The following CEP126 variants were observed in gnomAD, a reference collection of about 807,000 sequenced individuals.
CEP126 encodes centrosomal protein 126.
CEP126 carries 74 observed loss-of-function variants against 107.8 expected under a neutral mutation model. That is an observed-to-expected ratio of 0.69 (90% CI 0.57 to 0.83). CEP126 has a LOEUF of 0.83. Among genes scored for constraint, CEP126 ranks in the 40% least tolerant of loss-of-function variants. The pLI, the probability that CEP126 is intolerant of heterozygous loss-of-function variation, is 0.00. For missense variants in CEP126, 1,237 were observed against 1,281.9 expected (o/e 0.96, Z 0.53); for synonymous variants, 449 against 446.0 (o/e 1.01, Z -0.08).
chr11:101,973,598 C>G (rs1384080776), intron 6 of CEP126, among the ~76,000 whole-genome samples: 1 of 152,130 alleles, frequency 6.6e-6, no homozygotes, highest in African/African-American at 2.4e-5. Flanking sequence ...GTGCAGCAAA[C>G]CACCATGGCA....
chr11:101,995,800 C>G (rs528065617), intron 10 of CEP126, among the ~76,000 whole-genome samples: 2 of 152,236 alleles, frequency 1.3e-5, no homozygotes, highest in Non-Finnish European at 2.9e-5. Flanking sequence ...ACTTTCATGT[C>G]TCTGACAAAT....
At chr11:101,983,444 G>T (rs1435231194) in intron 8 of CEP126, among the ~76,000 whole-genome samples, 1 of 152,168 alleles carries the variant, frequency 6.6e-6, no homozygotes, top group African/African-American at 2.4e-5. Flanking sequence ...CATCAGCGTC[G>T]CATGAGCACA....
intron 1 of CEP126, among the ~76,000 whole-genome samples, chr11:101,917,171 CATA>C (rs1940234714): frequency 6.6e-6 from 1 of 151,258 alleles, no homozygotes; most frequent in Admixed American, 6.6e-5. Flanking sequence ...TATTTTTGAA[CATA>C]ATAAAGATTA....
intron 9 of CEP126, among the ~76,000 whole-genome samples, chr11:101,989,215 AAAT>A (rs1001910613): frequency 1.3e-5 from 2 of 152,224 alleles, no homozygotes; most frequent in Non-Finnish European, 2.9e-5. Context: ...TGAAGAAAAA[AAAT>A]AATAGGAATT....
intron 2 of CEP126, among the ~76,000 whole-genome samples, chr11:101,931,450 A>G (rs538746535): frequency 3.7e-4 from 57 of 152,204 alleles, no homozygotes; most frequent in Non-Finnish European, 7.1e-4. Flanking sequence ...TTGACAGGCA[A>G]TGAAAACTCA....
intron 8 of CEP126, 81 bp downstream of exon 8, chr11:101,982,045 C>T (rs1204558382): frequency 1.1e-5 from 8 of 731,044 alleles, no homozygotes; most frequent in Admixed American, 5.6e-5. Flanking sequence ...CAGATGCTAA[C>T]GTATTATGTA....
At chr11:101,979,403 A>G (rs1484913032) in intron 7 of CEP126, among the ~76,000 whole-genome samples, 1 of 152,096 alleles carries the variant, frequency 6.6e-6, no homozygotes, top group East Asian at 1.9e-4. Flanking sequence ...AGAGTTTAAT[A>G]TGGCTGTTCA....
At chr11:101,990,500 T>G (rs1432252066) in intron 9 of CEP126, among the ~76,000 whole-genome samples, 2 of 151,930 alleles carry the variant, frequency 1.3e-5, no homozygotes, top group African/African-American at 4.8e-5. Flanking sequence ...CCATTAGAGG[T>G]ATCCTACTGT....
In CEP126 at chr11:101,963,294, A is replaced by C; in HGVS notation, c.2259A>C (p.Arg753Ser). 1.2e-6 allele frequency: 2 copies of C among 1,614,018 alleles called. No homozygotes were observed. Among genetic ancestry groups the C allele is most frequent in the Non-Finnish European group, 1.7e-6 (2 of 1,180,006 alleles). The change falls in exon 6 of 11, where the codon AGA (arginine) becomes AGC (serine). Residue 753 changes from arginine (R) to serine (S), a missense_variant. Physicochemically the swap from Arg to Ser is moderately radical, Grantham distance 110 (BLOSUM62 -1). Around this residue, in one of 3 missense-constraint regions of CEP126, gnomAD observed 1,134 missense variants for 1,150.5 expected, o/e 0.99. Transcript: ENST00000263468. The part of the protein sequence containing the change: ...KTKQGKPQRG[R>S]AKIIRKPGSA... ...AGCAAGGTAAGCCACAAAGAGGTAGAGCAAAAATAATTAGAAAACCAGGAT... is the reference window on the plus strand; with the variant it reads ...AGCAAGGTAAGCCACAAAGAGGTAGCGCAAAAATAATTAGAAAACCAGGAT...
chr11:101,956,285 C>A (rs958561768), intron 4 of CEP126: 1 of 456,408 alleles, frequency 2.2e-6, no homozygotes, highest in Admixed American at 2.3e-5. Flanking sequence ...TTCCCCAACC[C>A]CTTTGGAACC....
rs1271246785 is a variant in CEP126 at position 101,961,999 on chromosome 11, C to T, written c.964C>T (p.Gln322Ter). 1 of 1,612,454 alleles carries T rather than the reference C, an allele frequency of 6.2e-7. No homozygotes were observed. Among genetic ancestry groups the T allele is most frequent in the Non-Finnish European group, 8.5e-7 (1 of 1,179,272 alleles). The change falls in exon 6 of 11, where the codon CAG becomes TAG. Residue 322 changes from glutamine to a stop codon, truncating the protein, a stop_gained. Coordinates refer to ENST00000263468, the MANE Select transcript of CEP126 (RefSeq NM_020802.4). LOFTEE classifies it high-confidence loss of function. ...WLTNLDASNT[Q>*]NVTAFSDILS... ...TACAAATTTAGATGCTTCAAATACT[C>T]AGAATGTCACAGCTTTCTCAGATAT...
rs143920310 is a variant in CEP126 at position 101,986,985 on chromosome 11, C to T, written c.3188C>T (p.Ser1063Leu). The change falls in exon 9 of 11, where the codon TCA becomes TTA. Residue 1063 changes from serine to leucine, a missense_variant. Physicochemically the swap from Ser to Leu is moderately radical, Grantham distance 145. Transcript: ENST00000263468. ...CAACAATTCAACATCTGCACACTGT[C>T]AGCTGAAGAACAGAAGATCCTAGAG... ...KTQQFNICTLSAEEQKILESL... is the reference protein window; with the variant it reads ...KTQQFNICTLLAEEQKILESL... The T allele has an allele frequency of 4.3e-6, 7 of 1,613,502 alleles. No homozygotes were observed. The highest frequency in any genetic ancestry group is 5.9e-6 in the Non-Finnish European group (7 of 1,179,736).
chr11:101,977,855 C>T (rs1033088046), intron 6 of CEP126, among the ~76,000 whole-genome samples: 2 of 152,086 alleles, frequency 1.3e-5, no homozygotes, highest in Admixed American at 6.6e-5. Flanking sequence ...CTAACGAGAG[C>T]TAATGAATGA....
At chr11:101,946,494 C>A (rs1397066870) in intron 3 of CEP126, among the ~76,000 whole-genome samples, 2 of 151,862 alleles carry the variant, frequency 1.3e-5, no homozygotes, top group Admixed American at 1.3e-4. Flanking sequence ...GGCAACAGAA[C>A]CAGACCTTAT....
chr11:101,963,459 A>G lies in CEP126; in HGVS notation c.2424A>G (p.Ser808=), dbSNP rs374053037. 2 of 1,613,986 alleles carry G rather than the reference A, an allele frequency of 1.2e-6. No homozygotes were observed. The highest frequency in any genetic ancestry group is 2.7e-5 in the African/African-American group (2 of 74,914). The change falls in exon 6 of 11, where the codon TCA becomes TCG. Residue 808 remains serine, a synonymous_variant. Coordinates refer to ENST00000263468, the MANE Select transcript of CEP126 (RefSeq NM_020802.4). ...CTTGTCCTCCTCCTCAATCTACATC[A>G]AATATTAGAAGTGGTAAAAATATAC... The part of the protein sequence containing the change: ...IIPCPPPQST[S]NIRSGKNIQV...
chr11:101,952,624 G>T (rs1365190937), intron 4 of CEP126, among the ~76,000 whole-genome samples: 1 of 150,868 alleles, frequency 6.6e-6, no homozygotes, highest in Admixed American at 6.6e-5. Context: ...CATGTTAAGT[G>T]TTCTTACCTT....
chr11:101,961,619 G>A (rs1431924325), intron 5 of CEP126, 122 bp from the exon 6 acceptor site: 3 of 571,696 alleles, frequency 5.2e-6, no homozygotes, highest in Non-Finnish European at 9.1e-6. Flanking sequence ...TACCTATGAT[G>A]TTTATAGTCA....
At chr11:101,921,252 A>T (rs1940321556) in intron 1 of CEP126, among the ~76,000 whole-genome samples, 1 of 152,170 alleles carries the variant, frequency 6.6e-6, no homozygotes, top group African/African-American at 2.4e-5. Flanking sequence ...TTATATTGCT[A>T]TTTGATTGTT....
At chr11:101,921,755 C>T (rs1396175647) in intron 1 of CEP126, among the ~76,000 whole-genome samples, 2 of 106,758 alleles carry the variant, frequency 1.9e-5, no homozygotes, top group African/African-American at 3.6e-5. Flanking sequence ...ATACAGTCCT[C>T]TTTATCTGAA....
Sources: gnomAD v4.1 joint callset for allele counts (sites outside exome capture counted in the v4.1 genomes callset) on GRCh38, gnomAD v4.1.1 for gene constraint, gnomAD v4.1.1 regional missense constraint, MANE v1.5 for transcripts, NCBI Gene and HGNC (gene_info 2026-07-23, HGNC 2026-07-21) for gene names.